Variants in KIRREL1 observed in about 807,000 individuals in gnomAD.
KIRREL1 encodes kirre like nephrin family adhesion molecule 1.
Under a neutral mutation model 83.3 loss-of-function variants are expected in KIRREL1, and 25 were observed. That is an observed-to-expected ratio of 0.30 (90% CI 0.22 to 0.42). The LOEUF (loss-of-function observed/expected upper bound fraction) is 0.42. Among genes scored for constraint, KIRREL1 ranks in the 10% least tolerant of loss-of-function variants. The pLI is 1.00. For missense variants in KIRREL1, 812 were observed against 1,032.3 expected, an observed-to-expected ratio of 0.79 and a Z score of 2.92; for synonymous variants, 388 against 410.4, an observed-to-expected ratio of 0.95 and a Z score of 0.66.
chr1:158,009,956 G>A (rs1251246061), intron 1 of KIRREL1, among the ~76,000 whole-genome samples: 1 of 152,236 alleles, frequency 6.6e-6, no homozygotes, highest in Admixed American at 6.5e-5. Context: ...AAGAGCACTG[G>A]ATTGCAGGTC....
In KIRREL1 at chr1:158,077,981, G is replaced by C; in HGVS notation, c.203-10G>C. 1 of 1,613,734 alleles carries C rather than the reference G, an allele frequency of 6.2e-7. No individual in the cohort carries two copies. The highest frequency in any genetic ancestry group is 1.1e-5 in the South Asian group (1 of 91,084). On this transcript the variant is annotated splice_polypyrimidine_tract_variant and intron_variant, in intron 2 of 14. Transcript: ENST00000359209. ...TTCAAGGTTGGGCCTCATTCTTTCT[G>C]TTTCTGCAGCCTGGCCACGGTACCG...
At chr1:158,031,950 G>T (rs1660337576) in intron 1 of KIRREL1, among the ~76,000 whole-genome samples, 2 of 152,118 alleles carry the variant, frequency 1.3e-5, no homozygotes, top group Admixed American at 1.3e-4. Context: ...TGGTGTGGTG[G>T]TGCATACCCT....
At chr1:158,025,310 G>A (rs1269673365) in intron 1 of KIRREL1, among the ~76,000 whole-genome samples, 2 of 152,100 alleles carry the variant, frequency 1.3e-5, no homozygotes, top group African/African-American at 4.8e-5. Context: ...GAGGAATGGA[G>A]TAAGAAAAGG....
intron 11 of KIRREL1, among the ~76,000 whole-genome samples, chr1:158,091,897 G>A (rs34535082): frequency 0.22 from 33,996 of 152,222 alleles, 4,212 homozygotes; most frequent in African/African-American, 0.31. Context: ...CCCAGGGGCT[G>A]CAGAAAGAGC....
intron 1 of KIRREL1, among the ~76,000 whole-genome samples, chr1:158,019,869 C>T (rs1462768488): frequency 5.9e-5 from 9 of 152,058 alleles, no homozygotes; most frequent in Non-Finnish European, 5.9e-5. Flanking sequence ...AGCATAACAC[C>T]CCCGACCCCG....
At chr1:158,069,337 TGTGTGTGA>T (rs1379466179) in intron 1 of KIRREL1, among the ~76,000 whole-genome samples, 281 of 151,002 alleles carry the variant, frequency 1.9e-3, no homozygotes, top group African/African-American at 6.4e-3. Flanking sequence ...TGTGTGTGTG[TGTGTGTGA>T]ATCTAAGCAT....
At chr1:158,069,302 TTGTGTGTGTGTGTGTGTG>T (rs57076623) in intron 1 of KIRREL1, among the ~76,000 whole-genome samples, 6 of 143,372 alleles carry the variant, frequency 4.2e-5, no homozygotes, top group East Asian at 2.1e-4. Context: ...TATGACGTAC[TTGTGTGTGTGTGTGTGTG>T]TGTGTGTGTG....
At chr1:158,014,072 G>A (rs535593440) in intron 1 of KIRREL1, among the ~76,000 whole-genome samples, 57 of 152,242 alleles carry the variant, frequency 3.7e-4, no homozygotes, top group African/African-American at 1.3e-3. Context: ...ATGGGAGAGG[G>A]CTTAGTAAGA....
chr1:158,090,020 C>G (rs1662147669), intron 10 of KIRREL1, among the ~76,000 whole-genome samples: 2 of 152,144 alleles, frequency 1.3e-5, no homozygotes, highest in South Asian at 4.1e-4. Context: ...CTGAGCAGAT[C>G]ACTTAATGTT....
intron 1 of KIRREL1, among the ~76,000 whole-genome samples, chr1:158,004,825 T>G (rs1160115052): frequency 6.6e-6 from 1 of 152,134 alleles, no homozygotes; most frequent in Non-Finnish European, 1.5e-5. Context: ...GCACCTGTAG[T>G]CCCAGCTACT....
chr1:158,045,934 G>C (rs921526358), intron 1 of KIRREL1, among the ~76,000 whole-genome samples: 1 of 152,212 alleles, frequency 6.6e-6, no homozygotes, highest in African/African-American at 2.4e-5. Context: ...GTGGACCAAG[G>C]CCAGAAAAAT....
intron 1 of KIRREL1, among the ~76,000 whole-genome samples, chr1:158,002,262 C>T (rs981793524): frequency 6.6e-6 from 1 of 152,210 alleles, no homozygotes; most frequent in Non-Finnish European, 1.5e-5. Context: ...TGAGGCCAGG[C>T]TCTTTGTTAC....
chr1:158,018,267 C>G (rs1351601975), intron 1 of KIRREL1, among the ~76,000 whole-genome samples: 1 of 152,132 alleles, frequency 6.6e-6, no homozygotes, highest in Non-Finnish European at 1.5e-5. Flanking sequence ...GCCTCAGGCT[C>G]TGGTGTGCCG....
rs116941309 is a variant in KIRREL1 at position 158,031,445 on chromosome 1, C to T, written c.52+37717C>T. Among the ~76,000 whole-genome samples the T allele has an allele frequency of 5.9e-5, 9 of 152,320 alleles. No homozygotes were observed. In the East Asian group the frequency reaches 9.7e-4, roughly 16 times the overall value. ...AACTGGCTGGGACTGCCCAGTGGTA[C>T]TTCTCAGGTGCCCTCTAGGCTCAGG... On this transcript the variant is annotated intron_variant, in intron 1 of 14. Transcript: ENST00000359209.
chr1:158,035,004 G>A (rs1223565680), intron 1 of KIRREL1, among the ~76,000 whole-genome samples: 1 of 150,526 alleles, frequency 6.6e-6, no homozygotes, highest in Non-Finnish European at 1.5e-5. Context: ...GTGTGTTCAT[G>A]TGTGTATATG....
At position 158,077,904 on chromosome 1, in the gene KIRREL1, A is replaced by G. The variant is rs933162535; in HGVS notation, c.203-87A>G. 8.3e-6 allele frequency: 12 copies of G among 1,450,922 alleles called. No individual in the cohort carries two copies. The African/African-American group carries it at 1.7e-4, about 20-fold the overall frequency. 89.9% of individuals were successfully genotyped at this position (1,450,922 alleles called of 1,614,324 possible). On this transcript the variant is annotated intron_variant, in intron 2 of 14. Transcript: ENST00000359209. ...TCTCACCTGTCAGTGGTGTCCCAGG[A>G]GAGGGCAGAGGGAGGAGTACTGGTG...
chr1:158,073,225 C>T (rs1372635359), intron 1 of KIRREL1, among the ~76,000 whole-genome samples: 21 of 152,170 alleles, frequency 1.4e-4, no homozygotes, highest in Admixed American at 1.4e-3. Flanking sequence ...CCCCTCCTTT[C>T]TGGACTCTCT....
intron 1 of KIRREL1, among the ~76,000 whole-genome samples, chr1:158,058,946 G>T (rs1316689193): frequency 6.6e-6 from 1 of 152,144 alleles, no homozygotes; most frequent in Non-Finnish European, 1.5e-5. Flanking sequence ...AGATGTGGAG[G>T]GCCTTGCTCT....
At position 158,097,242 on chromosome 1, in the gene KIRREL1, C is replaced by A. The variant is rs1051237908; in HGVS notation, c.*2122C>A. ...TGTACAGACAAATTCATGCAAATTT[C>A]TATTATTTTCACAAAAACCAGAAAC... On this transcript the variant is annotated 3_prime_UTR_variant, in exon 15 of 15. Coordinates refer to ENST00000359209, the MANE Select transcript of KIRREL1 (RefSeq NM_018240.7). The A allele has an allele frequency of 6.1e-6, 2 of 327,866 alleles. No homozygotes were observed. The highest frequency in any genetic ancestry group is 5.0e-5 in the South Asian group (2 of 39,620). 20.3% of individuals were successfully genotyped at this position (327,866 alleles called of 1,614,324 possible). A position where few individuals can be genotyped will look rare whatever the true frequency, so the allele number is the denominator to read the frequency against.
Sources: allele counts gnomAD v4.1 joint callset (sites outside exome capture counted in the v4.1 genomes callset), GRCh38; gene constraint gnomAD v4.1.1; transcripts MANE v1.5; gene names NCBI Gene and HGNC (gene_info 2026-07-23, HGNC 2026-07-21).